KCNA2: variants seen among roughly 807,000 people sequenced by gnomAD.
KCNA2 encodes the protein potassium voltage-gated channel subfamily A member 2.
In KCNA2, 11 loss-of-function variants were observed where a neutral mutation model predicts 33.4. The ratio of observed to expected loss-of-function variants is 0.33; its 90% CI spans 0.21 to 0.55. The LOEUF is 0.55. Ranked by LOEUF, KCNA2 falls within the 20% of genes least tolerant of loss-of-function variation. The pLI is 0.93. For missense variants in KCNA2, 291 were observed against 621.6 expected (o/e 0.47, Z 5.66); for synonymous variants, 222 against 231.3 (o/e 0.96, Z 0.37).
In KCNA2 at chr1:110,599,931, G is replaced by A; in HGVS notation, c.*3352C>T. On this transcript the variant is annotated 3_prime_UTR_variant, in exon 3 of 3. Coordinates refer to ENST00000316361, the MANE Select transcript of KCNA2 (RefSeq NM_004974.4). Reference sequence around the variant, plus strand: ...CACCCAGGTTTCTGGTGGGAGGAAGGTGAATTGGTAGAGACCCCATGCAAT... The same window carrying A: ...CACCCAGGTTTCTGGTGGGAGGAAGATGAATTGGTAGAGACCCCATGCAAT... The A allele has an allele frequency of 1.0e-6, 1 of 985,390 alleles. No individual in the cohort carries two copies. Among genetic ancestry groups the A allele is most frequent in the Non-Finnish European group, 1.2e-6 (1 of 829,926 alleles). 61.0% of individuals were successfully genotyped at this position (985,390 alleles called of 1,614,324 possible). A position where few individuals can be genotyped will look rare whatever the true frequency, so the allele number is the denominator to read the frequency against.
At position 110,604,795 on chromosome 1, in the gene KCNA2, G is replaced by C. The variant is rs1037140757; in HGVS notation, c.-13C>G. ...TGGCCACTGTCATAATTGGGACTGA[G>C]AGAAGCACCTCACGCTATGCCTTTC... On this transcript the variant is annotated 5_prime_UTR_variant, in exon 3 of 3. Transcript: ENST00000316361. This position sits in a 1 kb window ranked among gnomAD's most constrained non-coding sequence, Gnocchi z 7.6. 19 of 1,604,458 alleles carry C rather than the reference G, an allele frequency of 1.2e-5. No homozygotes were observed. Among genetic ancestry groups the C allele is most frequent in the Non-Finnish European group, 1.4e-5 (16 of 1,174,896 alleles).
chr1:110,603,828 G>A lies in KCNA2; in HGVS notation c.955C>T (p.Gln319Ter). 1.2e-6 allele frequency: 2 copies of A among 1,614,142 alleles called. No individual in the cohort carries two copies. Among genetic ancestry groups the A allele is most frequent in the Non-Finnish European group, 1.7e-6 (2 of 1,180,014 alleles). Residue 319 changes from glutamine to a stop codon, truncating the protein, a stop_gained, in exon 3 of 3, where the codon CAG becomes TAG. Transcript: ENST00000316361. LOFTEE classifies it high-confidence loss of function. This position sits in a 1 kb window ranked among gnomAD's most constrained non-coding sequence, Gnocchi z 5.7. ...TCTCTCATGCTGGCTTTGAGGGTCT[G>A]ACCTAGAATCTGGAGACCTTTGGAG... ...RHSKGLQILG[Q>*]TLKASMRELG...
At chr1:110,607,367 C>T (rs1325269455), upstream of KCNA2, 1 of 150,704 alleles carries the variant, frequency 6.6e-6, no homozygotes, top group Non-Finnish European at 1.5e-5. Context: ...CTCTGCAGTC[C>T]CGCGGGCGGC....
chr1:110,619,264 T>C (rs1204680207), intron 1 of KCNA2, among the ~76,000 whole-genome samples: 1 of 152,226 alleles, frequency 6.6e-6, no homozygotes, highest in East Asian at 1.9e-4. Context: ...TTATGGGGCC[T>C]CTGCTTACAC....
chr1:110,615,619 T>A (rs1270120771), intron 1 of KCNA2, among the ~76,000 whole-genome samples: 1 of 152,204 alleles, frequency 6.6e-6, no homozygotes, highest in Admixed American at 6.5e-5. Context: ...CTTGTTAGTG[T>A]CAGCAACAGT....
chr1:110,596,791 G>C lies in KCNA2; in HGVS notation c.*6492C>G. 3 of 985,434 alleles carry C rather than the reference G, an allele frequency of 3.0e-6. No homozygotes were observed. The South Asian group carries it at 1.4e-4, about 46-fold the overall frequency. 61.0% of individuals were successfully genotyped at this position (985,434 alleles called of 1,614,324 possible). On this transcript the variant is annotated 3_prime_UTR_variant, in exon 3 of 3. Transcript: ENST00000316361. Reference sequence around the variant, plus strand: ...AAGCAATCAGGATGTTCCTGTCCCTGAGGTTTCCCCATCAGTTAACTGAGG... The same window carrying C: ...AAGCAATCAGGATGTTCCTGTCCCTCAGGTTTCCCCATCAGTTAACTGAGG...
Position 110,601,415 on chromosome 1 carries a change from C to T in KCNA2, c.*1868G>A, listed in dbSNP as rs1649337241. The T allele has an allele frequency of 4.1e-6, 4 of 985,210 alleles. No homozygotes were observed. Among genetic ancestry groups the T allele is most frequent in the Non-Finnish European group, 4.8e-6 (4 of 829,962 alleles). The allele number at this position is 985,210 out of a possible 1,614,324, so 61.0% of individuals were successfully genotyped here. A position where few individuals can be genotyped will look rare whatever the true frequency, so the allele number is the denominator to read the frequency against. The stretch of plus-strand genomic sequence containing the variant: ...GTTTGTGAAAGTGACGGATGCAGAG[C>T]CAAATGATAATAAGATCCAAGTGGC... On this transcript the variant is annotated 3_prime_UTR_variant, in exon 3 of 3. Transcript: ENST00000316361.
In KCNA2 at chr1:110,602,358, G is replaced by T; in HGVS notation, c.*925C>A. On this transcript the variant is annotated 3_prime_UTR_variant, in exon 3 of 3. Coordinates refer to ENST00000316361, the MANE Select transcript of KCNA2 (RefSeq NM_004974.4). ...CACTGTGTAGGCTACTAGGAAAATAGGTTATCTCCTGTGTTTTAAATATTG... is the reference window on the plus strand; with the variant it reads ...CACTGTGTAGGCTACTAGGAAAATATGTTATCTCCTGTGTTTTAAATATTG... The T allele has an allele frequency of 7.1e-7, 1 of 1,408,110 alleles. No individual in the cohort carries two copies. Among genetic ancestry groups the T allele is most frequent in the Admixed American group, 3.0e-5 (1 of 33,112 alleles). 87.2% of individuals were successfully genotyped at this position (1,408,110 alleles called of 1,614,324 possible).
chr1:110,594,148 G>C lies in KCNA2; in HGVS notation c.*9135C>G, dbSNP rs1310491095. 3 of 1,345,710 alleles carry C rather than the reference G, an allele frequency of 2.2e-6. No individual in the cohort carries two copies. Among genetic ancestry groups the C allele is most frequent in the Non-Finnish European group, 2.9e-6 (3 of 1,052,298 alleles). The allele number at this position is 1,345,710 out of a possible 1,614,324, so 83.4% of individuals were successfully genotyped here. ...GAGGCTTATTTATCTACCTCTTTGA[G>C]TTTTCAGCAATTATTAGAGACAGGA... is the stretch of plus-strand genomic sequence containing the variant. On this transcript the variant is annotated 3_prime_UTR_variant, in exon 3 of 3. Transcript: ENST00000316361.
intron 1 of KCNA2, among the ~76,000 whole-genome samples, chr1:110,618,728 C>A (rs1650152124): frequency 6.6e-6 from 1 of 152,122 alleles, no homozygotes; most frequent in Non-Finnish European, 1.5e-5. Flanking sequence ...AACCCCCATC[C>A]CTCTGAGTAG....
Position 110,598,455 on chromosome 1 carries a change from G to A in KCNA2, c.*4828C>T, listed in dbSNP as rs540495261. The A allele has an allele frequency of 1.1e-4, 106 of 985,340 alleles. No individual in the cohort carries two copies. Among genetic ancestry groups the A allele is most frequent in the Non-Finnish European group, 1.2e-4 (101 of 829,972 alleles). 61.0% of individuals were successfully genotyped at this position (985,340 alleles called of 1,614,324 possible). ...CAGTGCTGAATCCCCAGCCTGAGGA[G>A]CTTCAGAGGGTGCTGTCCTCTCTCC... On this transcript the variant is annotated 3_prime_UTR_variant, in exon 3 of 3. Coordinates refer to ENST00000316361, the MANE Select transcript of KCNA2 (RefSeq NM_004974.4).
At position 110,596,171 on chromosome 1, in the gene KCNA2, G is replaced by A; in HGVS notation, c.*7112C>T. 4.1e-6 allele frequency: 4 copies of A among 985,040 alleles called. No individual in the cohort carries two copies. The highest frequency in any genetic ancestry group is 4.8e-6 in the Non-Finnish European group (4 of 829,688). 61.0% of individuals were successfully genotyped at this position (985,040 alleles called of 1,614,324 possible). A position where few individuals can be genotyped will look rare whatever the true frequency, so the allele number is the denominator to read the frequency against. ...AGGTCCCTAAGCAGAAAAAAAAAGA[G>A]TAGAACTGGAGAGGTGAAAAGAATG... On this transcript the variant is annotated 3_prime_UTR_variant, in exon 3 of 3. Transcript: ENST00000316361.
At position 110,594,978 on chromosome 1, in the gene KCNA2, C is replaced by A; in HGVS notation, c.*8305G>T. ...TCCTCCCAGCTCCTCCTATTGCTTT[C>A]TCTAGCAGCCCAGAGCATTTATTCA... On this transcript the variant is annotated 3_prime_UTR_variant, in exon 3 of 3. Transcript: ENST00000316361. The A allele has an allele frequency of 1.0e-6, 1 of 985,458 alleles. No homozygotes were observed. The highest frequency in any genetic ancestry group is 1.2e-6 in the Non-Finnish European group (1 of 829,942). 61.0% of individuals were successfully genotyped at this position (985,458 alleles called of 1,614,324 possible).
intron 1 of KCNA2, among the ~76,000 whole-genome samples, chr1:110,619,943 G>A (rs1031865952): frequency 6.6e-6 from 1 of 152,022 alleles, no homozygotes; most frequent in South Asian, 2.1e-4. Flanking sequence ...CCGACTTAAC[G>A]TCCTAGGAGA....
In KCNA2 at chr1:110,594,935, C is replaced by T. The variant is rs536274041; in HGVS notation, c.*8348G>A. 12 of 985,444 alleles carry T rather than the reference C, an allele frequency of 1.2e-5. No individual in the cohort carries two copies. The Admixed American group carries it at 3.7e-4, about 30-fold the overall frequency. 61.0% of individuals were successfully genotyped at this position (985,444 alleles called of 1,614,324 possible). A position where few individuals can be genotyped will look rare whatever the true frequency, so the allele number is the denominator to read the frequency against. On this transcript the variant is annotated 3_prime_UTR_variant, in exon 3 of 3. Coordinates refer to ENST00000316361, the MANE Select transcript of KCNA2 (RefSeq NM_004974.4). ...ATGGAAATTGTTTGGTAGCAAAGTG[C>T]GCCCCTGAATATTCTCTTCCTCCCA...
chr1:110,596,868 G>A lies in KCNA2; in HGVS notation c.*6415C>T. 7.1e-6 allele frequency: 7 copies of A among 985,412 alleles called. No individual in the cohort carries two copies. The highest frequency in any genetic ancestry group is 8.4e-6 in the Non-Finnish European group (7 of 829,932). The allele number at this position is 985,412 out of a possible 1,614,324, so 61.0% of individuals were successfully genotyped here. A position where few individuals can be genotyped will look rare whatever the true frequency, so the allele number is the denominator to read the frequency against. ...AAGGTAGATCAAAAAAGGATGGAAT[G>A]GGACCCTGGGGTTGCCAGCCTTCCC... is the stretch of plus-strand genomic sequence containing the variant. On this transcript the variant is annotated 3_prime_UTR_variant, in exon 3 of 3. Transcript: ENST00000316361.
rs765999960 is a variant in KCNA2, at chr1:110,603,429, T to G, written c.1354A>C (p.Thr452Pro). The G allele has an allele frequency of 6.2e-7, 1 of 1,614,080 alleles. No individual in the cohort carries two copies. The highest frequency in any genetic ancestry group is 2.2e-5 in the East Asian group (1 of 44,898). ...TCCATGTAATCAGACTTACTAATGG[T>G]AGAGGCACTTCTACTTTTCTTTAGG... ...PDLKKSRSAS[T>P]ISKSDYMEIQ... Residue 452 changes from threonine (T) to proline (P), a missense_variant, in exon 3 of 3, where the codon ACC becomes CCC. Transcript: ENST00000316361. The surrounding 1 kb of genome is among the most constrained non-coding windows in gnomAD (Gnocchi z 5.7).
rs1322896856 is a variant in KCNA2, at chr1:110,595,008, T to C, written c.*8275A>G. On this transcript the variant is annotated 3_prime_UTR_variant, in exon 3 of 3. Transcript: ENST00000316361. ...GCAGCCCAGAGCATTTATTCACTCATACAAACAAGGCATTCGGTGTCTAGG... is the reference window on the plus strand; with the variant it reads ...GCAGCCCAGAGCATTTATTCACTCACACAAACAAGGCATTCGGTGTCTAGG... The C allele has an allele frequency of 3.0e-6, 3 of 985,368 alleles. No individual in the cohort carries two copies. Among genetic ancestry groups the C allele is most frequent in the Admixed American group, 6.1e-5 (1 of 16,278 alleles). The allele number at this position is 985,368 out of a possible 1,614,324, so 61.0% of individuals were successfully genotyped here.
chr1:110,604,038 C>T lies in KCNA2; in HGVS notation c.745G>A (p.Gly249Ser), dbSNP rs746926057. The T allele has an allele frequency of 2.1e-5, 34 of 1,614,016 alleles. No individual in the cohort carries two copies. The highest frequency in any genetic ancestry group is 2.6e-5 in the Non-Finnish European group (31 of 1,180,032). Residue 249 changes from glycine to serine, a missense_variant, in exon 3 of 3, where the codon GGC becomes AGC. This residue lies in a region of KCNA2 where 43 missense variants were observed against 159.4 expected (regional missense o/e 0.27). Coordinates refer to ENST00000316361, the MANE Select transcript of KCNA2 (RefSeq NM_004974.4). This position sits in a 1 kb window ranked among gnomAD's most constrained non-coding sequence, Gnocchi z 7.6. ...VRFFACPSKA[G>S]FFTNIMNIID... ...ATGTTCATGATGTTGGTGAAGAAGCCGGCTTTGCTGGGACAGGCAAAGAAC... is the reference window on the plus strand; with the variant it reads ...ATGTTCATGATGTTGGTGAAGAAGCTGGCTTTGCTGGGACAGGCAAAGAAC...
Sources: gnomAD v4.1 joint callset for allele counts (sites outside exome capture counted in the v4.1 genomes callset) on GRCh38, gnomAD v4.1.1 for gene constraint, gnomAD v4.1.1 regional missense constraint, Gnocchi (gnomAD v3.1) non-coding constraint, MANE v1.5 for transcripts, NCBI Gene and HGNC (gene_info 2026-07-23, HGNC 2026-07-21) for gene names.